The following SCAPER variants were observed in gnomAD, a reference collection of about 807,000 sequenced individuals.
The protein encoded by SCAPER is S-phase cyclin A associated protein in the ER.
Under a neutral mutation model 182.2 loss-of-function variants are expected in SCAPER, and 98 were observed. That is an observed-to-expected ratio of 0.54 (90% CI 0.46 to 0.64). SCAPER has a LOEUF of 0.64. Ranked by LOEUF, SCAPER falls within the 30% of genes least tolerant of loss-of-function variation. The pLI is 0.00. For missense variants in SCAPER, 1,432 were observed against 1,690.0 expected, an observed-to-expected ratio of 0.85 and a Z score of 2.68; for synonymous variants, 605 against 564.6, an observed-to-expected ratio of 1.07 and a Z score of -1.01.
intron 9 of SCAPER, chr15:76,774,342 C>T: frequency 2.8e-6 from 1 of 363,614 alleles, no homozygotes; most frequent in South Asian, 2.1e-5. Context: ...GAACTATATC[C>T]AATGAAAGAT....
chr15:76,869,817 A>G (rs10431768), intron 2 of SCAPER, among the ~76,000 whole-genome samples: 131,131 of 152,150 alleles, frequency 0.86, 56,578 homozygotes, highest in Middle Eastern at 0.91. Flanking sequence ...CATGTTTATT[A>G]CATCACTATT....
chr15:76,709,605 G>C (rs555895093), intron 17 of SCAPER, among the ~76,000 whole-genome samples: 1 of 152,166 alleles, frequency 6.6e-6, no homozygotes. Context: ...ACCCAAGCCT[G>C]ATGGCTTTAC....
At chr15:76,779,921 T>C (rs897978657) in intron 8 of SCAPER, among the ~76,000 whole-genome samples, 1 of 152,174 alleles carries the variant, frequency 6.6e-6, no homozygotes, top group Non-Finnish European at 1.5e-5. Context: ...TCGACCAACA[T>C]GGGTGAATAG....
intron 21 of SCAPER, among the ~76,000 whole-genome samples, chr15:76,638,741 C>A (rs2053851656): frequency 6.6e-6 from 1 of 152,028 alleles, no homozygotes; most frequent in Admixed American, 6.6e-5. Flanking sequence ...TCGAGAATGA[C>A]AAATTATTGG....
At chr15:76,870,442 T>TA (rs1442245190) in intron 2 of SCAPER, among the ~76,000 whole-genome samples, 8 of 150,008 alleles carry the variant, frequency 5.3e-5, no homozygotes, top group Admixed American at 4.0e-4. Flanking sequence ...AGAAAAAATA[T>TA]AAAAAAAGGG....
chr15:76,422,934 A>G (rs1299248722), intron 26 of SCAPER, among the ~76,000 whole-genome samples: 4 of 151,972 alleles, frequency 2.6e-5, no homozygotes, highest in Non-Finnish European at 5.9e-5. Context: ...ATTGATTTGC[A>G]TATGTTGAAC....
At chr15:76,705,872 A>G (rs749566570) in intron 18 of SCAPER, 31 bp downstream of exon 18, 6 of 1,472,526 alleles carry the variant, frequency 4.1e-6, no homozygotes, top group Non-Finnish European at 5.5e-6. Flanking sequence ...AAGCTCTAAA[A>G]TTTCAAATTA....
chr15:76,621,339 T>C (rs894206038), intron 22 of SCAPER, among the ~76,000 whole-genome samples: 4 of 152,224 alleles, frequency 2.6e-5, no homozygotes, highest in Admixed American at 6.5e-5. Context: ...ACTCTAATTC[T>C]CTTTACGGAC....
At chr15:76,724,849 A>C (rs1249824364) in intron 17 of SCAPER, among the ~76,000 whole-genome samples, 2 of 152,192 alleles carry the variant, frequency 1.3e-5, no homozygotes, top group East Asian at 3.9e-4. Flanking sequence ...CAAAGTTTTT[A>C]ACTTCTTTGC....
chr15:76,785,388 G>A (rs537953212), intron 8 of SCAPER, among the ~76,000 whole-genome samples: 1 of 152,312 alleles, frequency 6.6e-6, no homozygotes, highest in South Asian at 2.1e-4. Context: ...ACAGATGCTG[G>A]CAAGGACATG....
At chr15:76,607,451 T>A (rs1299414482) in intron 22 of SCAPER, among the ~76,000 whole-genome samples, 1 of 152,180 alleles carries the variant, frequency 6.6e-6, no homozygotes, top group Non-Finnish European at 1.5e-5. Context: ...CTCTTAACAT[T>A]TTTTCCTTCA....
At chr15:76,637,189 TCTC>T (rs2146321532) in intron 21 of SCAPER, among the ~76,000 whole-genome samples, 1 of 152,100 alleles carries the variant, frequency 6.6e-6, no homozygotes, top group African/African-American at 2.4e-5. Flanking sequence ...TCTGATCCCA[TCTC>T]TACACACCAC....
chr15:76,650,427 A>T (rs1242201158), intron 21 of SCAPER, among the ~76,000 whole-genome samples: 1 of 152,024 alleles, frequency 6.6e-6, no homozygotes, highest in East Asian at 1.9e-4. Flanking sequence ...AGATATGAAG[A>T]AGGAAAATTG....
intron 17 of SCAPER, among the ~76,000 whole-genome samples, chr15:76,724,887 C>G (rs1318746067): frequency 1.3e-5 from 2 of 152,092 alleles, no homozygotes; most frequent in Non-Finnish European, 2.9e-5. Flanking sequence ...TCCTTTAGCT[C>G]AGAGTAGTCC....
At chr15:76,819,068 T>C (rs2067309551) in intron 5 of SCAPER, among the ~76,000 whole-genome samples, 1 of 151,938 alleles carries the variant, frequency 6.6e-6, no homozygotes, top group Non-Finnish European at 1.5e-5. Context: ...AAGACTTGAG[T>C]AGGTAAACAA....
intron 22 of SCAPER, among the ~76,000 whole-genome samples, chr15:76,578,980 C>CAGAT (rs1467539542): frequency 2.6e-5 from 4 of 152,222 alleles, no homozygotes; most frequent in African/African-American, 9.6e-5. Context: ...AGAATTCTAT[C>CAGAT]AGATACATTT....
intron 2 of SCAPER, among the ~76,000 whole-genome samples, chr15:76,871,112 T>G (rs1190340433): frequency 1.3e-5 from 2 of 152,044 alleles, no homozygotes; most frequent in Non-Finnish European, 2.9e-5. Flanking sequence ...AATATCTATT[T>G]AAAAACTAAT....
chr15:76,860,530 C>T (rs549431207), intron 3 of SCAPER, among the ~76,000 whole-genome samples: 1 of 152,176 alleles, frequency 6.6e-6, no homozygotes, highest in Non-Finnish European at 1.5e-5. Context: ...GTATGACACA[C>T]ATGAATTAGG....
chr15:76,706,876 C>T (rs1358040539), intron 17 of SCAPER, among the ~76,000 whole-genome samples: 1 of 151,950 alleles, frequency 6.6e-6, no homozygotes, highest in Non-Finnish European at 1.5e-5. Flanking sequence ...CATACACACA[C>T]ACACAAAGAA....
Sources: gnomAD v4.1 joint callset for allele counts (sites outside exome capture counted in the v4.1 genomes callset) on GRCh38, gnomAD v4.1.1 for gene constraint, MANE v1.5 for transcripts, NCBI Gene and HGNC (gene_info 2026-07-23, HGNC 2026-07-21) for gene names.